TDRD1: variants seen among roughly 807,000 people sequenced by gnomAD.
TDRD1 encodes the protein tudor domain containing 1.
In TDRD1, 37 loss-of-function variants were observed where a neutral mutation model predicts 140.6. That is an observed-to-expected ratio of 0.26 (90% confidence interval 0.20 to 0.35). TDRD1 has a LOEUF of 0.35. Ranked by LOEUF, TDRD1 falls within the 10% of genes least tolerant of loss-of-function variation. TDRD1 has a pLI of 1.00. For missense variants in TDRD1, 1,243 were observed against 1,393.0 expected (o/e 0.89, Z 1.71); for synonymous variants, 506 against 475.7 (o/e 1.06, Z -0.83).
intron 11 of TDRD1, among the ~76,000 whole-genome samples, chr10:114,210,142 T>G (rs976129062): frequency 1.3e-5 from 2 of 152,246 alleles, no homozygotes; most frequent in African/African-American, 4.8e-5. Flanking sequence ...GAATGCATTT[T>G]AAATTTCTAA....
chr10:114,228,362 C>G, intron 25 of TDRD1: 1 of 1,255,658 alleles, frequency 8.0e-7, no homozygotes, highest in South Asian at 2.1e-5. Flanking sequence ...GTTGTAATAG[C>G]CTTTCCTTAC....
exon 17 of TDRD1, chr10:114,217,570 C>T (rs1172496420): frequency 6.3e-7 from 1 of 1,595,238 alleles, no homozygotes; most frequent in African/African-American, 1.3e-5. Context: ...ATGATTTGAA[C>T]AAGTCATTAG....
chr10:114,178,880 A>C (rs371299751), upstream of TDRD1, among the ~76,000 whole-genome samples: 6 of 152,068 alleles, frequency 3.9e-5, no homozygotes, highest in East Asian at 3.9e-4. Context: ...AAAAAAAAAA[A>C]AACAAAACTT....
intron 3 of TDRD1, among the ~76,000 whole-genome samples, chr10:114,196,878 C>T (rs1354782657): frequency 2.1e-5 from 2 of 96,832 alleles, no homozygotes; most frequent in African/African-American, 8.7e-5. Context: ...CAGAATTTGG[C>T]TCTTGACGCC....
At chr10:114,226,908 T>C (rs767019183) in intron 22 of TDRD1, among the ~76,000 whole-genome samples, 164 bp from the exon 23 acceptor site, 2 of 152,216 alleles carry the variant, frequency 1.3e-5, no homozygotes, top group African/African-American at 2.4e-5. Context: ...AATCAATATG[T>C]ATTGAATAAA....
downstream of TDRD1, among the ~76,000 whole-genome samples, chr10:114,232,504 CTTTTTTTTTTT>C (rs140805425): frequency 1.5e-4 from 12 of 81,684 alleles, no homozygotes; most frequent in African/African-American, 5.3e-4. Flanking sequence ...ACTTGAAAGA[CTTTTTTTTTTT>C]TTTTTTTTTT....
chr10:114,213,916 ACCCCAACC>A, intron 15 of TDRD1, 53 bp from the exon 16 acceptor site: 1 of 1,564,734 alleles, frequency 6.4e-7, no homozygotes. Flanking sequence ...TTCCTCAGCC[ACCCCAACC>A]TCGCTACATC....
chr10:114,208,777 ATT>A (rs577742983), intron 11 of TDRD1, among the ~76,000 whole-genome samples: 7 of 143,924 alleles, frequency 4.9e-5, no homozygotes, highest in Non-Finnish European at 7.6e-5. Context: ...TTAAGATACA[ATT>A]TTTTTTTTTT....
chr10:114,178,439 C>T (rs1461620947), upstream of TDRD1, among the ~76,000 whole-genome samples: 1 of 152,032 alleles, frequency 6.6e-6, no homozygotes, highest in East Asian at 1.9e-4. Context: ...AGTTTGGGTG[C>T]GAGAGTAAGT....
intron 22 of TDRD1, 122 bp from the exon 23 acceptor site, chr10:114,226,950 A>G (rs2133207768): frequency 1.6e-6 from 1 of 621,344 alleles, no homozygotes; most frequent in Non-Finnish European, 2.9e-6. Flanking sequence ...GCAGTAGTAC[A>G]TCAGAACACA....
At chr10:114,179,725 A>G (rs777744917) in intron 1 of TDRD1, 9 of 152,194 alleles carry the variant, frequency 5.9e-5, no homozygotes, top group Middle Eastern at 3.2e-3. Flanking sequence ...TACGATACAA[A>G]CAATATTAAC....
At chr10:114,202,602 T>G (rs7081008) in intron 6 of TDRD1, among the ~76,000 whole-genome samples, 34,828 of 152,122 alleles carry the variant, frequency 0.23, 4,151 homozygotes, top group Middle Eastern at 0.28. Context: ...AAGGAGGATT[T>G]TTTTTCTGAT....
intron 16 of TDRD1, 112 bp downstream of exon 16, chr10:114,214,226 G>A: frequency 1.1e-6 from 1 of 876,726 alleles, no homozygotes; most frequent in Non-Finnish European, 1.7e-6. Context: ...GAAGAGCCAA[G>A]TGGTATTTGT....
intron 1 of TDRD1, among the ~76,000 whole-genome samples, chr10:114,183,704 T>A (rs2033283052): frequency 6.7e-6 from 1 of 149,480 alleles, no homozygotes; most frequent in Non-Finnish European, 1.5e-5. Context: ...AGTTAACTTT[T>A]TTTTTTTTTT....
At chr10:114,204,888 A>G (rs1483590284) in exon 10 of TDRD1, 31 of 1,581,788 alleles carry the variant, frequency 2.0e-5, no homozygotes, top group Non-Finnish European at 2.6e-5. Flanking sequence ...GAGCTGCCAA[A>G]TTCAGGTAAG....
exon 2 of TDRD1, chr10:114,187,971 T>G: frequency 1.2e-6 from 2 of 1,614,162 alleles, no homozygotes; most frequent in Non-Finnish European, 1.7e-6. Context: ...CCTGGAACAC[T>G]TCCTAACCAC....
chr10:114,220,260 C>T (rs1260144312), intron 18 of TDRD1, among the ~76,000 whole-genome samples: 1 of 152,200 alleles, frequency 6.6e-6, no homozygotes, highest in Non-Finnish European at 1.5e-5. Context: ...ATGGTTAACT[C>T]ATACATAACA....
At chr10:114,178,182 C>G (rs543717271), upstream of TDRD1, among the ~76,000 whole-genome samples, 15 of 151,848 alleles carry the variant, frequency 9.9e-5, no homozygotes, top group Admixed American at 2.0e-4. Context: ...TGAAACTGCT[C>G]TAAAAAATAA....
chr10:114,196,558 T>A (rs1223724170), intron 3 of TDRD1, among the ~76,000 whole-genome samples: 1 of 152,162 alleles, frequency 6.6e-6, no homozygotes, highest in Non-Finnish European at 1.5e-5. Context: ...TCCAGGTTCC[T>A]AGTCAGCCCA....
Sources: allele counts gnomAD v4.1 joint callset (sites outside exome capture counted in the v4.1 genomes callset), GRCh38; gene constraint gnomAD v4.1.1; transcripts MANE v1.5; gene names NCBI Gene and HGNC (gene_info 2026-07-23, HGNC 2026-07-21).